The following TNS3 variants were observed in gnomAD, a reference collection of about 807,000 sequenced individuals.
The protein encoded by TNS3 is tensin 3.
Under a neutral mutation model 140.9 loss-of-function variants are expected in TNS3, and 45 were observed. That is an observed-to-expected ratio of 0.32 (90% CI 0.25 to 0.41). The LOEUF is 0.41. Among genes scored for constraint, TNS3 ranks in the 10% least tolerant of loss-of-function variants. The probability of loss-of-function intolerance (pLI) is 1.00; values close to 1 mark genes in which losing one functional copy is unlikely to be tolerated. For synonymous variants in TNS3, 815 were observed against 788.4 expected (o/e 1.03, Z -0.56); for missense variants, 1,716 against 1,906.7 (o/e 0.90, Z 1.86).
intron 4 of TNS3, among the ~76,000 whole-genome samples, chr7:47,480,740 TG>T (rs1797383124): frequency 6.6e-6 from 1 of 152,214 alleles, no homozygotes; most frequent in African/African-American, 2.4e-5. Flanking sequence ...CACAGCCACC[TG>T]GCGACCCAGG....
chr7:47,575,713 C>T (rs1800657985), intron 1 of TNS3, among the ~76,000 whole-genome samples: 1 of 148,966 alleles, frequency 6.7e-6, no homozygotes, highest in African/African-American at 2.5e-5. Context: ...GTCCCAGCTA[C>T]TTGGGAGGCT....
chr7:47,506,042 C>A (rs1336468654), intron 3 of TNS3, among the ~76,000 whole-genome samples: 1 of 152,164 alleles, frequency 6.6e-6, no homozygotes, highest in African/African-American at 2.4e-5. Flanking sequence ...AGGTCTGTAA[C>A]AGTAGCAAAA....
intron 16 of TNS3, among the ~76,000 whole-genome samples, chr7:47,379,585 CTTTT>C (rs1169929343): frequency 6.6e-6 from 1 of 152,156 alleles, no homozygotes; most frequent in South Asian, 2.1e-4. Flanking sequence ...CCCTTTTCCT[CTTTT>C]TTTATTTTTG....
rs1327319725 is a variant in TNS3, at chr7:47,275,339, T to C, written c.*2737A>G. ...GTTACAAGGTATTTGATGCTGAGAA[T>C]AAATGCACAGTGACTTTTAACATGG... On this transcript the variant is annotated 3_prime_UTR_variant, in exon 31 of 31. Transcript: ENST00000311160. The C allele has an allele frequency of 6.5e-6, 1 of 152,782 alleles. No homozygotes were observed. The highest frequency in any genetic ancestry group is 1.5e-5 in the Non-Finnish European group (1 of 68,122). 9.5% of individuals were successfully genotyped at this position (152,782 alleles called of 1,614,324 possible).
chr7:47,283,520 A>G (rs1177607411), intron 28 of TNS3, among the ~76,000 whole-genome samples, 177 bp downstream of exon 28: 8 of 152,244 alleles, frequency 5.3e-5, no homozygotes, highest in Non-Finnish European at 8.8e-5. Context: ...AAGAGTTCCT[A>G]TGTGGTTCCC....
intron 20 of TNS3, among the ~76,000 whole-genome samples, chr7:47,333,366 C>T (rs1788447625): frequency 6.6e-6 from 1 of 152,210 alleles, no homozygotes; most frequent in Non-Finnish European, 1.5e-5. Flanking sequence ...CATTCTTTGG[C>T]ACTAATTGGA....
chr7:47,389,101 AGCG>A lies in TNS3; in HGVS notation c.1024+7696_1024+7698del, dbSNP rs1283118049. 4.9e-3 allele frequency among the ~76,000 whole-genome samples: 188 copies of A among 38,190 alleles called. 46 individuals are homozygous for A. The highest frequency in any genetic ancestry group is 0.032 in the East Asian group (20 of 630). The allele number at this position is 38,190 out of a possible 152,430, so 25.1% of individuals were successfully genotyped here. A position where few individuals can be genotyped will look rare whatever the true frequency, so the allele number is the denominator to read the frequency against. ...AAGAAGAAGAGGAAGAGGAAGAGGA[AGCG>A]GAAGCAGAAGAAGAAGAAGAAGAAG... On this transcript the variant is annotated intron_variant, in intron 16 of 30. Coordinates refer to ENST00000311160, the MANE Select transcript of TNS3 (RefSeq NM_022748.12).
rs147811556 is a variant in TNS3 at position 47,504,588 on chromosome 7, G to A, written c.-115+2319C>T. Among the ~76,000 whole-genome samples the A allele has an allele frequency of 3.1e-3, 466 of 152,332 alleles. 10 individuals are homozygous for A. The highest frequency in any genetic ancestry group is 5.6e-4 in the Non-Finnish European group (38 of 68,032). On this transcript the variant is annotated intron_variant, in intron 3 of 30. Coordinates refer to ENST00000311160, the MANE Select transcript of TNS3 (RefSeq NM_022748.12). ...CTTGCCTGAGCAATCTGAGTGCAGC[G>A]TCTAAGGAGCCCACTGGGCAATATA...
chr7:47,419,873 C>T (rs1794280320), intron 10 of TNS3, among the ~76,000 whole-genome samples: 1 of 152,110 alleles, frequency 6.6e-6, no homozygotes, highest in Non-Finnish European at 1.5e-5. Context: ...CACCCCATTC[C>T]CTAGCCACCC....
At chr7:47,423,640 A>G (rs1256521663) in intron 10 of TNS3, among the ~76,000 whole-genome samples, 2 of 152,270 alleles carry the variant, frequency 1.3e-5, no homozygotes, top group East Asian at 1.9e-4. Flanking sequence ...ATACAGCCAC[A>G]TTCCCTGATT....
Position 47,280,075 on chromosome 7 carries a change from G to A in TNS3, c.4193+89C>T, listed in dbSNP as rs748923872. On this transcript the variant is annotated intron_variant, in intron 30 of 30. Coordinates refer to ENST00000311160, the MANE Select transcript of TNS3 (RefSeq NM_022748.12). ...GCATGGTGTAGTCATTTTCTTATAA[G>A]GCACCCCCTGTGCAAATCTGGAAGA... 2.2e-4 allele frequency: 325 copies of A among 1,491,628 alleles called. 1 individual carries two copies. Among genetic ancestry groups the A allele is most frequent in the Non-Finnish European group, 2.9e-4 (311 of 1,080,060 alleles). 92.4% of individuals were successfully genotyped at this position (1,491,628 alleles called of 1,614,324 possible).
At chr7:47,307,580 T>A (rs1242316567) in intron 20 of TNS3, among the ~76,000 whole-genome samples, 1 of 152,240 alleles carries the variant, frequency 6.6e-6, no homozygotes, top group African/African-American at 2.4e-5. Flanking sequence ...GCATTTCACA[T>A]CCCCACCATC....
chr7:47,325,000 G>C (rs1345001100), intron 20 of TNS3, among the ~76,000 whole-genome samples: 1 of 152,008 alleles, frequency 6.6e-6, no homozygotes, highest in Non-Finnish European at 1.5e-5. Flanking sequence ...GTAGGCAGCA[G>C]AAGTGATGGG....
At chr7:47,344,664 T>C (rs898365539) in intron 20 of TNS3, 91 bp downstream of exon 20, 1 of 1,155,686 alleles carries the variant, frequency 8.7e-7, no homozygotes, top group African/African-American at 1.5e-5. Context: ...TGGAAACATT[T>C]CTGCATACGA....
intron 13 of TNS3, 142 bp from the exon 14 acceptor site, chr7:47,401,056 T>A (rs1793132582): frequency 7.8e-7 from 1 of 1,284,392 alleles, no homozygotes; most frequent in Non-Finnish European, 1.1e-6. Flanking sequence ...GAGTGGAACT[T>A]CAGCCCTGGG....
chr7:47,578,871 C>T (rs1467361606), intron 1 of TNS3, among the ~76,000 whole-genome samples: 3 of 152,174 alleles, frequency 2.0e-5, no homozygotes, highest in South Asian at 2.1e-4. Context: ...GGCCTGCATC[C>T]GGATTCAACA....
rs1426587413 is a variant in TNS3 at position 47,494,018 on chromosome 7, CA to C, written c.-114-12878del. ...GAAGCTAAACTGCCACCCCTGTTCACAAAATCTTGATAATGGCATTCCATTT... is the reference window on the plus strand; with the variant it reads ...GAAGCTAAACTGCCACCCCTGTTCACAAATCTTGATAATGGCATTCCATTT... On this transcript the variant is annotated intron_variant, in intron 3 of 30. Coordinates refer to ENST00000311160, the MANE Select transcript of TNS3 (RefSeq NM_022748.12). Among the ~76,000 whole-genome samples the C allele has an allele frequency of 2.6e-5, 4 of 152,348 alleles. No individual in the cohort carries two copies. In the East Asian group the frequency reaches 5.8e-4, roughly 22 times the overall value.
At chr7:47,335,786 C>T (rs974947232) in intron 20 of TNS3, among the ~76,000 whole-genome samples, 1 of 152,196 alleles carries the variant, frequency 6.6e-6, no homozygotes, top group African/African-American at 2.4e-5. Flanking sequence ...TCTCAAGAAC[C>T]ATGTGCAGTA....
At position 47,277,829 on chromosome 7, in the gene TNS3, C is replaced by A; in HGVS notation, c.*247G>T. On this transcript the variant is annotated 3_prime_UTR_variant, in exon 31 of 31. Transcript: ENST00000311160. ...CCCTAGGGGGTGGGGTGCACCCATG[C>A]CCAGCTTCTTCTACCCAAAAAGCAT... 1 of 578,072 alleles carries A rather than the reference C, an allele frequency of 1.7e-6. No individual in the cohort carries two copies. The highest frequency in any genetic ancestry group is 1.8e-5 in the South Asian group (1 of 54,666). 35.8% of individuals were successfully genotyped at this position (578,072 alleles called of 1,614,324 possible).
Sources: allele counts gnomAD v4.1 joint callset (sites outside exome capture counted in the v4.1 genomes callset), GRCh38; gene constraint gnomAD v4.1.1; transcripts MANE v1.5; gene names NCBI Gene and HGNC (gene_info 2026-07-23, HGNC 2026-07-21).